PPP2R5A: variants seen among roughly 807,000 people sequenced by gnomAD.
PPP2R5A encodes the protein protein phosphatase 2 regulatory subunit B'alpha, also known as serine/threonine-protein phosphatase 2A 56 kDa regulatory subunit alpha isoform.
Under a neutral mutation model 64.2 loss-of-function variants are expected in PPP2R5A, and 25 were observed. That is an observed-to-expected ratio of 0.39 (90% confidence interval 0.28 to 0.54). The LOEUF is 0.54. Among genes scored for constraint, PPP2R5A ranks in the 20% least tolerant of loss-of-function variants. The pLI is 0.67. For missense variants in PPP2R5A, 425 were observed against 576.3 expected, an observed-to-expected ratio of 0.74 and a Z score of 2.69; for synonymous variants, 198 against 201.2, an observed-to-expected ratio of 0.98 and a Z score of 0.13.
chr1:212,286,295 A>AC lies in PPP2R5A; in HGVS notation c.181+6dup. 1 of 1,505,834 alleles carries AC rather than the reference A, an allele frequency of 6.6e-7. No individual in the cohort carries two copies. The highest frequency in any genetic ancestry group is 8.9e-7 in the Non-Finnish European group (1 of 1,127,310). 93.3% of individuals were successfully genotyped at this position (1,505,834 alleles called of 1,614,324 possible). On this transcript the variant is annotated splice_donor_region_variant and intron_variant, in intron 1 of 12. Transcript: ENST00000261461. ...CACCCGCTGCCCCAGCTCAAAGGTA[A>AC]CCTCCGAGGGCGCAGCCCCAGCAGC...
At chr1:212,323,380 T>C (rs1236112370) in intron 1 of PPP2R5A, among the ~76,000 whole-genome samples, 1 of 152,252 alleles carries the variant, frequency 6.6e-6, no homozygotes, top group Non-Finnish European at 1.5e-5. Context: ...AGTACTAACG[T>C]TAGCAGTAGT....
chr1:212,334,279 T>C (rs1659555042), intron 3 of PPP2R5A, among the ~76,000 whole-genome samples: 1 of 152,134 alleles, frequency 6.6e-6, no homozygotes, highest in African/African-American at 2.4e-5. Context: ...TTTTATACAT[T>C]ATGTTTTTCT....
At chr1:212,347,547 T>A in intron 6 of PPP2R5A, 141 bp downstream of exon 6, 5 of 625,676 alleles carry the variant, frequency 8.0e-6, no homozygotes, top group Non-Finnish European at 1.3e-5. Context: ...GAAGTCTTTT[T>A]TTTTTTTTTG....
At chr1:212,352,375 A>T (rs1659901801) in intron 8 of PPP2R5A, among the ~76,000 whole-genome samples, 1 of 151,502 alleles carries the variant, frequency 6.6e-6, no homozygotes, top group South Asian at 2.1e-4. Context: ...AGTGTTCGTT[A>T]TTCAATACTG....
In PPP2R5A at chr1:212,342,291, C is replaced by G. The variant is rs184824973; in HGVS notation, c.573+11C>G. On this transcript the variant is annotated intron_variant, in intron 4 of 12. Coordinates refer to ENST00000261461, the MANE Select transcript of PPP2R5A (RefSeq NM_006243.4). ...AAATTCGTACAACAGGTAAGGAACTCTTTTGTCTTAGATTCTCATATATTC... is the reference window on the plus strand; with the variant it reads ...AAATTCGTACAACAGGTAAGGAACTGTTTTGTCTTAGATTCTCATATATTC... 9.9e-6 allele frequency: 16 copies of G among 1,609,628 alleles called. No homozygotes were observed. In the Admixed American group the frequency reaches 2.4e-4, roughly 24 times the overall value.
intron 8 of PPP2R5A, 63 bp from the exon 9 acceptor site, chr1:212,356,563 A>G (rs1245214193): frequency 9.5e-6 from 14 of 1,478,384 alleles, no homozygotes; most frequent in Non-Finnish European, 1.3e-5. Context: ...ACAGCTATGG[A>G]AAATACGCTG....
At position 212,357,252 on chromosome 1, in the gene PPP2R5A, T is replaced by A; in HGVS notation, c.1194T>A (p.Ser398Arg). 6.3e-7 allele frequency: 1 copy of A among 1,590,104 alleles called. No individual in the cohort carries two copies. Among genetic ancestry groups the A allele is most frequent in the Middle Eastern group, 1.7e-4 (1 of 5,986 alleles). Residue 398 changes from serine to arginine, a missense_variant, in exon 11 of 13, where the codon AGT becomes AGA. Transcript: ENST00000261461. ...AAATTCTGCCAATTATGTTTGCCAGTTTGTACAAAATTTCCAAAGAACACT... is the reference window on the plus strand; with the variant it reads ...AAATTCTGCCAATTATGTTTGCCAGATTGTACAAAATTTCCAAAGAACACT... The part of the protein sequence containing the change: ...IDKILPIMFA[S>R]LYKISKEHWN...
intron 1 of PPP2R5A, among the ~76,000 whole-genome samples, chr1:212,317,647 G>A (rs1008144070): frequency 6.6e-6 from 1 of 151,822 alleles, no homozygotes; most frequent in Non-Finnish European, 1.5e-5. Flanking sequence ...CCAATGGCGT[G>A]CAACCTACAC....
chr1:212,314,713 A>G (rs1394105057), intron 1 of PPP2R5A, among the ~76,000 whole-genome samples: 1 of 151,680 alleles, frequency 6.6e-6, no homozygotes, highest in Non-Finnish European at 1.5e-5. Context: ...ACGTGCCACC[A>G]TGCCTGGCTA....
intron 1 of PPP2R5A, among the ~76,000 whole-genome samples, chr1:212,317,469 T>C (rs1364248457): frequency 6.6e-6 from 1 of 152,234 alleles, no homozygotes; most frequent in East Asian, 1.9e-4. Flanking sequence ...CTTCACATAC[T>C]GTAAAGCAGT....
chr1:212,286,397 C>CTGGTAGTGTGTGAGCCGAGTTCCCCACA (rs2102407700), intron 1 of PPP2R5A, 106 bp downstream of exon 1: 4 of 1,270,012 alleles, frequency 3.1e-6, no homozygotes, highest in Admixed American at 3.6e-5. Flanking sequence ...TCAGTTGGGA[C>CTGGTAGTGTGTGAGCCGAGTTCCCCACA]TGGTAGTGTG....
rs1023718799 is a variant in PPP2R5A at position 212,361,512 on chromosome 1, A to C, written c.*742A>C. 21 of 152,656 alleles carry C rather than the reference A, an allele frequency of 1.4e-4. No homozygotes were observed. The highest frequency in any genetic ancestry group is 5.1e-4 in the African/African-American group (21 of 41,442). 9.5% of individuals were successfully genotyped at this position (152,656 alleles called of 1,614,324 possible). On this transcript the variant is annotated 3_prime_UTR_variant, in exon 13 of 13. Transcript: ENST00000261461. ...AATTCATTCCTCCTCTTCCTCTCAAAGGCTGAAGGCAGGGCCTTTCCAGTC... is the reference window on the plus strand; with the variant it reads ...AATTCATTCCTCCTCTTCCTCTCAACGGCTGAAGGCAGGGCCTTTCCAGTC...
intron 11 of PPP2R5A, among the ~76,000 whole-genome samples, chr1:212,357,633 C>G (rs1047193270): frequency 7.4e-6 from 1 of 134,720 alleles, no homozygotes; most frequent in Admixed American, 7.5e-5. Flanking sequence ...GAAACCCCAT[C>G]TCTACTAAAA....
At chr1:212,294,373 G>A (rs189386183) in intron 1 of PPP2R5A, among the ~76,000 whole-genome samples, 1 of 152,220 alleles carries the variant, frequency 6.6e-6, no homozygotes, top group African/African-American at 2.4e-5. Context: ...TTTTCAGACA[G>A]GCTTTTCTGA....
intron 1 of PPP2R5A, among the ~76,000 whole-genome samples, chr1:212,314,115 T>G (rs1398152499): frequency 3.3e-5 from 5 of 152,220 alleles, no homozygotes; most frequent in Non-Finnish European, 7.3e-5. Flanking sequence ...TCATTGCCCT[T>G]GGAACACAGT....
chr1:212,313,037 A>G (rs964137896), intron 1 of PPP2R5A, among the ~76,000 whole-genome samples: 2 of 152,202 alleles, frequency 1.3e-5, no homozygotes, highest in African/African-American at 4.8e-5. Context: ...GTACTTTCCT[A>G]TGCAAATCCT....
At chr1:212,305,408 A>T (rs1277651400) in intron 1 of PPP2R5A, among the ~76,000 whole-genome samples, 3 of 151,794 alleles carry the variant, frequency 2.0e-5, no homozygotes. Flanking sequence ...GTTCTTTTAA[A>T]ATTTTTGAGG....
chr1:212,345,608 A>C (rs1319531238), intron 4 of PPP2R5A, among the ~76,000 whole-genome samples, 195 bp from the exon 5 acceptor site: 1 of 152,180 alleles, frequency 6.6e-6, no homozygotes, highest in African/African-American at 2.4e-5. Context: ...TCATATTTTG[A>C]AGTGAAATAA....
Position 212,361,007 on chromosome 1 carries a change from AAATG to A in PPP2R5A, c.*245_*248del, listed in dbSNP as rs1273165820. On this transcript the variant is annotated 3_prime_UTR_variant, in exon 13 of 13. Transcript: ENST00000261461. ...TTGTGTCACTTCTGAAGTTTCACAGAAATGAATGAATTTTATCATCTATGATATG... is the reference window on the plus strand; with the variant it reads ...TTGTGTCACTTCTGAAGTTTCACAGAAATGAATTTTATCATCTATGATATG... 1.8e-3 allele frequency: 517 copies of A among 293,116 alleles called. 4 individuals are homozygous for A. Among genetic ancestry groups the A allele is most frequent in the East Asian group, 5.7e-4 (10 of 17,614 alleles). The allele number at this position is 293,116 out of a possible 1,614,324, so 18.2% of individuals were successfully genotyped here. A position where few individuals can be genotyped will look rare whatever the true frequency, so the allele number is the denominator to read the frequency against.
Sources: gnomAD v4.1 joint callset for allele counts (sites outside exome capture counted in the v4.1 genomes callset) on GRCh38, gnomAD v4.1.1 for gene constraint, MANE v1.5 for transcripts, NCBI Gene and HGNC (gene_info 2026-07-23, HGNC 2026-07-21) for gene names.